The following EPB41L3 variants were observed in gnomAD, a reference collection of about 807,000 sequenced individuals.
EPB41L3 encodes erythrocyte membrane protein band 4.1 like 3.
Under a neutral mutation model 127.1 loss-of-function variants are expected in EPB41L3, and 57 were observed. The observed-to-expected ratio is 0.45, with a 90% CI of 0.36 to 0.56. EPB41L3 has a LOEUF of 0.56. Among genes scored for constraint, EPB41L3 ranks in the 20% least tolerant of loss-of-function variants. The pLI is 0.00. For synonymous variants in EPB41L3, 572 were observed against 549.5 expected (o/e 1.04, Z -0.57); for missense variants, 1,273 against 1,372.2 (o/e 0.93, Z 1.14).
At chr18:5,478,510 C>A in intron 2 of EPB41L3, 72 bp from the exon 3 acceptor site, 2 of 1,375,186 alleles carry the variant, frequency 1.5e-6, no homozygotes, top group Non-Finnish European at 2.1e-6. Flanking sequence ...CATGCAATAG[C>A]ACAAAACTGC....
intron 3 of EPB41L3, among the ~76,000 whole-genome samples, chr18:5,559,607 A>G (rs1009392955): frequency 1.1e-4 from 17 of 152,354 alleles, no homozygotes; most frequent in African/African-American, 3.6e-4. Flanking sequence ...AAACGAAAAT[A>G]TCTTCTGAGT....
chr18:5,602,938 G>A (rs2094606498), intron 3 of EPB41L3, among the ~76,000 whole-genome samples: 2 of 152,170 alleles, frequency 1.3e-5, no homozygotes, highest in Non-Finnish European at 2.9e-5. Context: ...AGGGAAGAAA[G>A]AACTTCATGA....
Position 5,398,079 on chromosome 18 carries a change from G to A in EPB41L3, c.2414C>T (p.Ala805Val), listed in dbSNP as rs745916851. The A allele has an allele frequency of 7.4e-6, 12 of 1,613,952 alleles. No homozygotes were observed. The East Asian group carries it at 8.9e-5, about 12-fold the overall frequency. ...TCCTATGAATTCTGTTGGTTTTCGCGCAGACTCTAATAAACTGAAGATTTC... is the reference window on the plus strand; with the variant it reads ...TCCTATGAATTCTGTTGGTTTTCGCACAGACTCTAATAAACTGAAGATTTC... ...GSEIFSLLES[A>V]RKPTEFIGGV... is the part of the protein sequence containing the mutation. The change falls in exon 17 of 23, where the codon GCG (alanine) becomes GTG (valine). Residue 805 changes from alanine (A) to valine (V), a missense_variant. Ala to Val is a moderately conservative substitution (Grantham distance 64, BLOSUM62 0). Around this residue, in one of 3 missense-constraint regions of EPB41L3, gnomAD observed 765 missense variants for 782.9 expected, o/e 0.98. Coordinates refer to ENST00000341928, the MANE Select transcript of EPB41L3 (RefSeq NM_012307.5).
chr18:5,511,391 G>GTTTTT lies in EPB41L3; in HGVS notation c.-11-22202_-11-22198dup, dbSNP rs1190047630. Among the ~76,000 whole-genome samples, 464 of 59,866 alleles carry GTTTTT rather than the reference G, an allele frequency of 7.8e-3. 8 individuals are homozygous for GTTTTT. Among genetic ancestry groups the GTTTTT allele is most frequent in the Middle Eastern group, 0.019 (1 of 54 alleles). 39.3% of individuals were successfully genotyped at this position (59,866 alleles called of 152,430 possible). On this transcript the variant is annotated intron_variant, in intron 1 of 22. Coordinates refer to ENST00000341928, the MANE Select transcript of EPB41L3 (RefSeq NM_012307.5). ...CTTTAATAGCTGTGGAGGTATTTTG[G>GTTTTT]TTTTTTTTTTTTTTTTTTTTTTTTT...
At chr18:5,516,820 G>A (rs913220548) in intron 1 of EPB41L3, among the ~76,000 whole-genome samples, 18 of 152,172 alleles carry the variant, frequency 1.2e-4, no homozygotes, top group Non-Finnish European at 2.9e-5. Flanking sequence ...TAAAACCAGA[G>A]TATGGAAAGG....
chr18:5,587,470 G>C (rs2094450888), intron 3 of EPB41L3, among the ~76,000 whole-genome samples: 1 of 151,972 alleles, frequency 6.6e-6, no homozygotes, highest in African/African-American at 2.4e-5. Flanking sequence ...CTTTATCATA[G>C]GTATGTATGT....
chr18:5,453,863 C>T (rs1349306550), intron 3 of EPB41L3, among the ~76,000 whole-genome samples: 1 of 152,220 alleles, frequency 6.6e-6, no homozygotes, highest in Non-Finnish European at 1.5e-5. Context: ...TTTCTTCTCA[C>T]ATTATTTTGG....
At chr18:5,630,614 C>G (rs560368709), upstream of EPB41L3, 1 of 467,758 alleles carries the variant, frequency 2.1e-6, no homozygotes, top group Non-Finnish European at 4.2e-6. Flanking sequence ...CCCGCAGCTG[C>G]GGTGGCGGCA....
intron 3 of EPB41L3, among the ~76,000 whole-genome samples, chr18:5,584,928 A>C (rs1016831148): frequency 6.6e-6 from 1 of 152,230 alleles, no homozygotes; most frequent in Non-Finnish European, 1.5e-5. Flanking sequence ...TGACTCAGAA[A>C]ATTGGATTGC....
intron 1 of EPB41L3, among the ~76,000 whole-genome samples, chr18:5,623,085 A>G (rs1230997951): frequency 3.3e-5 from 5 of 150,134 alleles, no homozygotes; most frequent in Non-Finnish European, 7.4e-5. Flanking sequence ...TGATGCAGGG[A>G]ATTCTGTTAT....
intron 1 of EPB41L3, among the ~76,000 whole-genome samples, chr18:5,522,554 C>A (rs1340673559): frequency 6.6e-6 from 1 of 152,082 alleles, no homozygotes; most frequent in South Asian, 2.1e-4. Flanking sequence ...TCTCTTACAG[C>A]CTGTAGAAAT....
At chr18:5,454,180 C>T (rs73937134) in intron 3 of EPB41L3, among the ~76,000 whole-genome samples, 5,247 of 147,852 alleles carry the variant, frequency 0.035, 332 homozygotes, top group African/African-American at 0.12. Flanking sequence ...GAAATTTAAG[C>T]GGAGAGTGTG....
rs993039793 is a variant in EPB41L3 at position 5,397,181 on chromosome 18, C to T, written c.2718G>A (p.Gly906=). Reference sequence around the variant, plus strand: ...CCAGGACAGCTTTAGCGACCTCCTCCCCTCCTTCCTCTTTAGCCCCCTCCG... The same window carrying T: ...CCAGGACAGCTTTAGCGACCTCCTCTCCTCCTTCCTCTTTAGCCCCCTCCG... ...ALTEGAKEEG[G]EEVAKAVLEQ... The change falls in exon 18 of 23, where the codon GGG becomes GGA. Residue 906 remains glycine, a synonymous_variant. Coordinates refer to ENST00000341928, the MANE Select transcript of EPB41L3 (RefSeq NM_012307.5). The surrounding 1 kb of genome is among the most constrained non-coding windows in gnomAD (Gnocchi z 4.1). The T allele has an allele frequency of 6.2e-7, 1 of 1,614,174 alleles. No homozygotes were observed. The highest frequency in any genetic ancestry group is 8.5e-7 in the Non-Finnish European group (1 of 1,180,030).
At chr18:5,456,816 C>T (rs1249250391) in intron 3 of EPB41L3, among the ~76,000 whole-genome samples, 1 of 152,220 alleles carries the variant, frequency 6.6e-6, no homozygotes, top group African/African-American at 2.4e-5. Context: ...CGTTCCCACT[C>T]CTGTGACAGG....
chr18:5,531,181 T>G (rs1368026274), intron 1 of EPB41L3, among the ~76,000 whole-genome samples: 1 of 152,178 alleles, frequency 6.6e-6, no homozygotes, highest in South Asian at 2.1e-4. Context: ...TGTAGATGAG[T>G]GTATGTTTCT....
At chr18:5,594,066 T>G (rs1351302746) in intron 3 of EPB41L3, among the ~76,000 whole-genome samples, 1 of 152,156 alleles carries the variant, frequency 6.6e-6, no homozygotes, top group Non-Finnish European at 1.5e-5. Context: ...CTGACAGGAT[T>G]AAGAGATTAA....
At chr18:5,494,951 C>T (rs2091008403) in intron 1 of EPB41L3, among the ~76,000 whole-genome samples, 3 of 152,186 alleles carry the variant, frequency 2.0e-5, no homozygotes, top group Admixed American at 1.3e-4. Context: ...ATGGGAACCT[C>T]AGAAAGCATT....
chr18:5,598,119 C>G (rs765623482), intron 3 of EPB41L3, among the ~76,000 whole-genome samples: 15 of 152,048 alleles, frequency 9.9e-5, no homozygotes, highest in Non-Finnish European at 2.2e-4. Flanking sequence ...GCCCAGGAAC[C>G]CCTGGGGGTT....
At chr18:5,442,002 T>A (rs2080854386) in intron 5 of EPB41L3, among the ~76,000 whole-genome samples, 1 of 152,040 alleles carries the variant, frequency 6.6e-6, no homozygotes, top group Non-Finnish European at 1.5e-5. Context: ...AAAAAGAAAA[T>A]TAGTTTATAC....
Sources: allele counts gnomAD v4.1 joint callset (sites outside exome capture counted in the v4.1 genomes callset), GRCh38; gene constraint gnomAD v4.1.1; regional missense constraint gnomAD v4.1.1; non-coding constraint Gnocchi (gnomAD v3.1); transcripts MANE v1.5; gene names NCBI Gene and HGNC (gene_info 2026-07-23, HGNC 2026-07-21).